TFB1M: variants seen among roughly 807,000 people sequenced by gnomAD.
TFB1M encodes transcription factor B1, mitochondrial.
Under a neutral mutation model 31.1 loss-of-function variants are expected in TFB1M, and 27 were observed. The ratio of observed to expected loss-of-function variants is 0.87; its 90% CI spans 0.64 to 1.20. The LOEUF is 1.20. TFB1M is among the 50% of genes most tolerant of loss of function. TFB1M has a pLI of 0.00. For missense variants in TFB1M, 394 were observed against 418.7 expected, an observed-to-expected ratio of 0.94 and a Z score of 0.51; for synonymous variants, 166 against 151.8, an observed-to-expected ratio of 1.09 and a Z score of -0.69.
intron 5 of TFB1M, among the ~76,000 whole-genome samples, chr6:155,265,252 G>T (rs1784577872): frequency 6.6e-6 from 1 of 152,208 alleles, no homozygotes; most frequent in Admixed American, 6.5e-5. Flanking sequence ...AGCGCTGCAG[G>T]TCCTGAGCAA....
chr6:155,239,432 G>A, the TFB1M span, among the ~76,000 whole-genome samples: 3 of 152,234 alleles, frequency 2.0e-5, no homozygotes, highest in Admixed American at 6.5e-5. Context: ...AGATGGGGAG[G>A]TGGTGAAGTG....
Position 155,297,038 on chromosome 6 carries a change from C to T in TFB1M, c.461G>A (p.Trp154Ter). Reference protein sequence around the residue: ...FSVSTPLIIKWLENISCRDGP... With the variant: ...FSVSTPLIIK ...ATCTCTACAGGAAATATTTTCAAGC[C>T]ACTTGATAATCAGTGGAGTTGAAAC... The change falls in exon 4 of 7, where the codon TGG becomes TAG. Residue 154 changes from tryptophan to a stop codon, truncating the protein, a stop_gained. Transcript: ENST00000367166. LOFTEE classifies it high-confidence loss of function. The T allele has an allele frequency of 6.2e-7, 1 of 1,613,622 alleles. No homozygotes were observed. The highest frequency in any genetic ancestry group is 8.5e-7 in the Non-Finnish European group (1 of 1,179,680).
At chr6:155,276,412 TG>T (rs1785223189) in intron 5 of TFB1M, 1 of 1,570,590 alleles carries the variant, frequency 6.4e-7, no homozygotes, top group Non-Finnish European at 8.7e-7. Context: ...ATGGAACTTT[TG>T]GGTGCCAAAT....
chr6:155,260,193 G>T, intron 6 of TFB1M, 80 bp downstream of exon 6: 1 of 1,470,830 alleles, frequency 6.8e-7, no homozygotes, highest in Non-Finnish European at 9.5e-7. Context: ...TAAGAATAGA[G>T]CAAACAAGGT....
downstream of TFB1M, chr6:155,254,138 C>A: frequency 5.5e-6 from 8 of 1,456,844 alleles, no homozygotes; most frequent in South Asian, 1.0e-4. Flanking sequence ...ATATTTAGTG[C>A]CCTCCTGAAT....
At chr6:155,238,083 G>A in the TFB1M span, among the ~76,000 whole-genome samples, 96 of 152,316 alleles carry the variant, frequency 6.3e-4, no homozygotes, top group Non-Finnish European at 1.1e-3. Context: ...CAGCACTCAA[G>A]TCACATCTTG....
At position 155,314,280 on chromosome 6, in the gene TFB1M, C is replaced by G; in HGVS notation, c.133+16G>C. ...ACACTGGGGAGACATCCGGGGAGCACTGCTAAGCCATCCACCTGTCAGCCT... is the reference window on the plus strand; with the variant it reads ...ACACTGGGGAGACATCCGGGGAGCAGTGCTAAGCCATCCACCTGTCAGCCT... On this transcript the variant is annotated intron_variant, in intron 1 of 6. Coordinates refer to ENST00000367166, the MANE Select transcript of TFB1M (RefSeq NM_016020.4). The G allele has an allele frequency of 6.2e-7, 1 of 1,613,378 alleles. No individual in the cohort carries two copies. The highest frequency in any genetic ancestry group is 8.5e-7 in the Non-Finnish European group (1 of 1,179,652).
At chr6:155,268,907 C>G (rs1483293291) in intron 5 of TFB1M, among the ~76,000 whole-genome samples, 2 of 138,174 alleles carry the variant, frequency 1.4e-5, no homozygotes, top group East Asian at 4.2e-4. Flanking sequence ...ATGACCCTGC[C>G]AAATCCCCCT....
the TFB1M span, among the ~76,000 whole-genome samples, chr6:155,246,212 C>T: frequency 1.5e-3 from 231 of 152,210 alleles, no homozygotes; most frequent in African/African-American, 5.1e-3. Flanking sequence ...GGTTGCTCTT[C>T]GGTGTTTCTC....
chr6:155,266,001 C>T (rs7749920), intron 5 of TFB1M, among the ~76,000 whole-genome samples: 4,846 of 151,796 alleles, frequency 0.032, 263 homozygotes, highest in African/African-American at 0.11. Flanking sequence ...TTTTTCTGCC[C>T]ACTTATATTC....
chr6:155,259,043 G>C (rs1722073545), intron 6 of TFB1M, among the ~76,000 whole-genome samples: 2 of 152,152 alleles, frequency 1.3e-5, no homozygotes, highest in Non-Finnish European at 2.9e-5. Flanking sequence ...CTTAGCTGGG[G>C]GGTTGCCTTG....
Position 155,297,092 on chromosome 6 carries a change from A to C in TFB1M, c.407T>G (p.Val136Gly), listed in dbSNP as rs759599709. ...AAAAGGCAGATTTCCAATAATATGT[A>C]CATTTGGAGGATCTGGTGGCAGAGG... ...KRPWEDDPPN[V>G]HIIGNLPFSV... is the part of the protein sequence containing the mutation. The change falls in exon 4 of 7, where the codon GTA becomes GGA. Residue 136 changes from valine (V) to glycine (G), a missense_variant. This residue lies in a region of TFB1M where 273 missense variants were observed against 256.4 expected (regional missense o/e 1.06). Coordinates refer to ENST00000367166, the MANE Select transcript of TFB1M (RefSeq NM_016020.4). 1 of 1,613,652 alleles carries C rather than the reference A, an allele frequency of 6.2e-7. No individual in the cohort carries two copies. Among genetic ancestry groups the C allele is most frequent in the Non-Finnish European group, 8.5e-7 (1 of 1,179,952 alleles).
the TFB1M span, among the ~76,000 whole-genome samples, chr6:155,232,278 T>C: frequency 6.6e-5 from 10 of 150,766 alleles, no homozygotes; most frequent in East Asian, 1.4e-3. Flanking sequence ...GTTTTTTTTT[T>C]CCCGTTTTCC....
chr6:155,256,174 T>G lies in TFB1M; in HGVS notation c.*1662A>C. 1 of 528,016 alleles carries G rather than the reference T, an allele frequency of 1.9e-6. No homozygotes were observed. The highest frequency in any genetic ancestry group is 3.3e-6 in the Non-Finnish European group (1 of 302,896). 32.7% of individuals were successfully genotyped at this position (528,016 alleles called of 1,614,324 possible). On this transcript the variant is annotated 3_prime_UTR_variant, in exon 7 of 7. Coordinates refer to ENST00000367166, the MANE Select transcript of TFB1M (RefSeq NM_016020.4). ...TAGATTTATTATTACCAATTAACTT[T>G]TCAACTTACTCCTTGGCAAAATAAG...
chr6:155,244,556 C>A, the TFB1M span: 1 of 1,385,854 alleles, frequency 7.2e-7, no homozygotes, highest in Non-Finnish European at 9.9e-7. Flanking sequence ...TCTGCTTTTC[C>A]GTGAAGAATT....
At chr6:155,267,791 C>T (rs956120133) in intron 5 of TFB1M, among the ~76,000 whole-genome samples, 1 of 152,178 alleles carries the variant, frequency 6.6e-6, no homozygotes, top group Non-Finnish European at 1.5e-5. Context: ...TCAACCTTCA[C>T]ACAGCCAAGA....
chr6:155,249,809 CAAAT>C, the TFB1M span: 1 of 1,534,332 alleles, frequency 6.5e-7, no homozygotes, highest in Non-Finnish European at 8.9e-7. Flanking sequence ...GAATCTAAAA[CAAAT>C]AACAGTTATG....
chr6:155,312,586 C>G (rs1224162348), intron 1 of TFB1M, among the ~76,000 whole-genome samples: 1 of 152,158 alleles, frequency 6.6e-6, no homozygotes. Context: ...TTTTCAGGCA[C>G]ATTGAAATAC....
At chr6:155,299,891 C>T (rs1777349959) in intron 2 of TFB1M, among the ~76,000 whole-genome samples, 1 of 152,214 alleles carries the variant, frequency 6.6e-6, no homozygotes, top group Non-Finnish European at 1.5e-5. Flanking sequence ...TACTGTGCGT[C>T]TGCCTCTTTA....
Sources: allele counts gnomAD v4.1 joint callset (sites outside exome capture counted in the v4.1 genomes callset), GRCh38; gene constraint gnomAD v4.1.1; regional missense constraint gnomAD v4.1.1; transcripts MANE v1.5; gene names NCBI Gene and HGNC (gene_info 2026-07-23, HGNC 2026-07-21).